ZDHHC24: variants seen among roughly 807,000 people sequenced by gnomAD.
ZDHHC24 encodes probable palmitoyltransferase ZDHHC24.
ZDHHC24 carries 17 observed loss-of-function variants against 23.2 expected under a neutral mutation model. The ratio of observed to expected loss-of-function variants is 0.73; its 90% CI spans 0.50 to 1.10. The LOEUF (loss-of-function observed/expected upper bound fraction) is 1.10. Ranked by LOEUF, ZDHHC24 falls within the 50% of genes least tolerant of loss-of-function variation. The pLI is 0.00. For missense variants in ZDHHC24, 366 were observed against 393.0 expected (o/e 0.93, Z 0.58); for synonymous variants, 186 against 194.5 (o/e 0.96, Z 0.36).
At chr11:66,527,668 C>CAAAAAAAAAAAA (rs58165767) in intron 3 of ZDHHC24, 42 of 57,776 alleles carry the variant, frequency 7.3e-4, no homozygotes, top group East Asian at 1.7e-3. Flanking sequence ...GACTCCGTCT[C>CAAAAAAAAAAAA]AAAAAAAAAA....
chr11:66,521,499 T>C, intron 4 of ZDHHC24: 3 of 792,470 alleles, frequency 3.8e-6, no homozygotes, highest in Non-Finnish European at 6.4e-6. Flanking sequence ...GCTGAGAACT[T>C]CATAAAGGAG....
chr11:66,530,933 C>T, downstream of ZDHHC24: 3 of 1,614,248 alleles, frequency 1.9e-6, no homozygotes, highest in Non-Finnish European at 2.5e-6. Flanking sequence ...CACACTTCAC[C>T]TGCAGAACAC....
intron 2 of ZDHHC24, chr11:66,529,975 A>AG (rs1423670516): frequency 6.3e-7 from 1 of 1,590,476 alleles, no homozygotes; most frequent in East Asian, 2.3e-5. Context: ...GTGAGGGCAG[A>AG]GTCAGGGCCA....
intron 4 of ZDHHC24, among the ~76,000 whole-genome samples, chr11:66,522,336 C>CT (rs748766824): frequency 0.014 from 1,972 of 143,174 alleles, 43 homozygotes; most frequent in African/African-American, 0.044. Flanking sequence ...ATATAAAATG[C>CT]TTTTTTTTTT....
intron 1 of ZDHHC24, among the ~76,000 whole-genome samples, chr11:66,544,797 C>T (rs1857261655): frequency 6.6e-6 from 1 of 152,166 alleles, no homozygotes; most frequent in Admixed American, 6.5e-5. Flanking sequence ...GTGATCATAG[C>T]ACACTACAGC....
At chr11:66,531,096 C>T, downstream of ZDHHC24, 1 of 1,593,570 alleles carries the variant, frequency 6.3e-7, no homozygotes, top group South Asian at 1.1e-5. Flanking sequence ...GAGATGCCCA[C>T]AGAGCCCCGC....
intron 4 of ZDHHC24, among the ~76,000 whole-genome samples, chr11:66,525,427 A>C (rs1008525362): frequency 2.6e-5 from 4 of 151,864 alleles, no homozygotes; most frequent in African/African-American, 9.7e-5. Context: ...TTAGCCAAGC[A>C]TGGTGGTGCA....
At position 66,539,521 on chromosome 11, in the gene ZDHHC24, T is replaced by TCA. The variant is rs1857082757; in HGVS notation, c.*7_*8insTG. On this transcript the variant is annotated 3_prime_UTR_variant, in exon 3 of 3. Coordinates refer to ENST00000310442, the MANE Select transcript of ZDHHC24 (RefSeq NM_207340.3). ...TTCCTCCCTGCACAGCTCTGGCTCT[T>TCA]CCTGGAGTCAGGAGGCTGTGTGTCC... The TCA allele has an allele frequency of 6.5e-7, 1 of 1,543,646 alleles. No individual in the cohort carries two copies. Among genetic ancestry groups the TCA allele is most frequent in the Non-Finnish European group, 8.7e-7 (1 of 1,145,974 alleles).
At position 66,539,476 on chromosome 11, in the gene ZDHHC24, G is replaced by T. The variant is rs1227846304; in HGVS notation, c.*53C>A. 4.7e-5 allele frequency: 69 copies of T among 1,479,288 alleles called. No individual in the cohort carries two copies. Among genetic ancestry groups the T allele is most frequent in the Non-Finnish European group, 5.9e-5 (66 of 1,117,044 alleles). 91.6% of individuals were successfully genotyped at this position (1,479,288 alleles called of 1,614,324 possible). On this transcript the variant is annotated 3_prime_UTR_variant, in exon 3 of 3. Transcript: ENST00000310442. ...CGACTTCCTTACTGAGTCTAGGTGTGGGGGCCCCCCTCTCACCCCTTCCTC... is the reference window on the plus strand; with the variant it reads ...CGACTTCCTTACTGAGTCTAGGTGTTGGGGCCCCCCTCTCACCCCTTCCTC...
chr11:66,529,624 G>T, intron 2 of ZDHHC24: 1 of 714,244 alleles, frequency 1.4e-6, no homozygotes, highest in Non-Finnish European at 2.4e-6. Context: ...AGTGAGAAGA[G>T]GCAGGGCGAG....
Position 66,537,656 on chromosome 11 carries a change from T to C in ZDHHC24, c.*1873A>G, listed in dbSNP as rs11227521. On this transcript the variant is annotated 3_prime_UTR_variant, in exon 3 of 3. Coordinates refer to ENST00000310442, the MANE Select transcript of ZDHHC24 (RefSeq NM_207340.3). The stretch of plus-strand genomic sequence containing the variant: ...CAAGACCATCCTGGCCGGCCAGGAG[T>C]GGTGGCTCACACCTGTAATCCCAGC... 68,716 of 142,618 alleles carry C rather than the reference T, an allele frequency of 0.48. 16,702 individuals are homozygous for C. Among genetic ancestry groups the C allele is most frequent in the Middle Eastern group, 0.58 (164 of 284 alleles). 8.8% of individuals were successfully genotyped at this position (142,618 alleles called of 1,614,324 possible).
chr11:66,529,164 C>T (rs1301970509), intron 3 of ZDHHC24: 1 of 1,384,086 alleles, frequency 7.2e-7, no homozygotes, highest in East Asian at 2.6e-5. Context: ...CCGAGGTGCC[C>T]AGTCTGGAAG....
In ZDHHC24 at chr11:66,538,221, C is replaced by A. The variant is rs1857036412; in HGVS notation, c.*1308G>T. On this transcript the variant is annotated 3_prime_UTR_variant, in exon 3 of 3. Coordinates refer to ENST00000310442, the MANE Select transcript of ZDHHC24 (RefSeq NM_207340.3). Reference sequence around the variant, plus strand: ...GACCTGCCTGGCCAACATGGTGAAACCCCCGTCTCTACTAAAAATACAAAA... The same window carrying A: ...GACCTGCCTGGCCAACATGGTGAAAACCCCGTCTCTACTAAAAATACAAAA... 6.6e-6 allele frequency: 1 copy of A among 151,798 alleles called. No individual in the cohort carries two copies. Among genetic ancestry groups the A allele is most frequent in the African/African-American group, 2.4e-5 (1 of 41,316 alleles). 9.4% of individuals were successfully genotyped at this position (151,798 alleles called of 1,614,324 possible).
At chr11:66,541,466 C>T (rs536953238) in intron 2 of ZDHHC24, among the ~76,000 whole-genome samples, 2 of 151,464 alleles carry the variant, frequency 1.3e-5, no homozygotes, top group Non-Finnish European at 2.9e-5. Context: ...ACTTGTGAGA[C>T]AAGCAGGTGG....
chr11:66,523,345 T>C, intron 4 of ZDHHC24: 1 of 1,473,452 alleles, frequency 6.8e-7, no homozygotes, highest in Non-Finnish European at 9.5e-7. Context: ...TCATCTGCTT[T>C]GGGGCCAGTG....
intron 4 of ZDHHC24, chr11:66,523,705 G>T: frequency 1.2e-6 from 2 of 1,610,220 alleles, no homozygotes; most frequent in Non-Finnish European, 1.7e-6. Context: ...CTCCACAGAC[G>T]CTGGCTGTTC....
At chr11:66,535,317 G>A (rs147729764), downstream of ZDHHC24, among the ~76,000 whole-genome samples, 2,183 of 151,140 alleles carry the variant, frequency 0.014, 56 homozygotes, top group African/African-American at 0.05. Context: ...TCAAGCCATC[G>A]TCCCACCTCA....
At chr11:66,520,811 G>T (rs1856183216), downstream of ZDHHC24, 2 of 253,638 alleles carry the variant, frequency 7.9e-6, no homozygotes, top group Admixed American at 1.0e-4. Context: ...TCAGCTTACT[G>T]CAACCTATGC....
chr11:66,522,278 T>C (rs1856273910), intron 4 of ZDHHC24, among the ~76,000 whole-genome samples: 1 of 151,462 alleles, frequency 6.6e-6, no homozygotes, highest in South Asian at 2.1e-4. Flanking sequence ...TTTGTTACTT[T>C]CTAGGGTACA....
Sources: gnomAD v4.1 joint callset for allele counts (sites outside exome capture counted in the v4.1 genomes callset) on GRCh38, gnomAD v4.1.1 for gene constraint, MANE v1.5 for transcripts, NCBI Gene and HGNC (gene_info 2026-07-23, HGNC 2026-07-21) for gene names.